The following MAN1A1 variants were observed in gnomAD, a reference collection of about 807,000 sequenced individuals.
MAN1A1 encodes the protein mannosidase alpha class 1A member 1.
A neutral mutation model predicts 70.8 loss-of-function variants in MAN1A1; 29 were observed. The ratio of observed to expected loss-of-function variants is 0.41; its 90% CI spans 0.31 to 0.56. MAN1A1 has a LOEUF of 0.56. MAN1A1 is among the 20% of genes least tolerant of loss of function. MAN1A1 has a pLI of 0.29. For synonymous variants in MAN1A1, 349 were observed against 330.1 expected, an observed-to-expected ratio of 1.06 and a Z score of -0.62; for missense variants, 747 against 841.3, an observed-to-expected ratio of 0.89 and a Z score of 1.39.
At chr6:119,331,458 T>C (rs989577826) in intron 2 of MAN1A1, among the ~76,000 whole-genome samples, 1 of 151,660 alleles carries the variant, frequency 6.6e-6, no homozygotes. Flanking sequence ...CCAGTGACAA[T>C]TGTTTTTCTC....
chr6:119,232,460 A>G (rs1562203121), intron 6 of MAN1A1, among the ~76,000 whole-genome samples: 1 of 151,936 alleles, frequency 6.6e-6, no homozygotes, highest in East Asian at 1.9e-4. Context: ...TACAATGCCA[A>G]TGAGTGATAG....
chr6:119,327,169 T>C (rs1773168278), intron 2 of MAN1A1: 1 of 152,056 alleles, frequency 6.6e-6, no homozygotes, highest in South Asian at 2.1e-4. Flanking sequence ...GGCCCTTAAA[T>C]GCAAAGAACA....
At chr6:119,243,787 A>G (rs974379324) in intron 6 of MAN1A1, among the ~76,000 whole-genome samples, 21 of 152,126 alleles carry the variant, frequency 1.4e-4, no homozygotes, top group African/African-American at 5.1e-4. Context: ...AAGCTTTACA[A>G]AGCAGGAAAT....
intron 6 of MAN1A1, among the ~76,000 whole-genome samples, chr6:119,214,809 T>C (rs1774152506): frequency 6.6e-6 from 1 of 152,186 alleles, no homozygotes; most frequent in Admixed American, 6.5e-5. Flanking sequence ...CTTGGCCCAC[T>C]ACAGTATTTT....
chr6:119,271,664 T>A (rs147341644), intron 5 of MAN1A1, among the ~76,000 whole-genome samples: 6,156 of 151,834 alleles, frequency 0.041, 140 homozygotes, highest in African/African-American at 0.051. Flanking sequence ...TACACCTAGC[T>A]ATTTTTTTTT....
intron 5 of MAN1A1, among the ~76,000 whole-genome samples, chr6:119,276,319 C>T (rs1025562383): frequency 9.2e-5 from 14 of 152,282 alleles, no homozygotes; most frequent in African/African-American, 2.6e-4. Flanking sequence ...ACATTTTACC[C>T]CCTTATCATG....
At chr6:119,329,957 CA>C (rs1773264246) in intron 2 of MAN1A1, among the ~76,000 whole-genome samples, 1 of 152,212 alleles carries the variant, frequency 6.6e-6, no homozygotes, top group South Asian at 2.1e-4. Context: ...TGCTGAGACT[CA>C]CTCCTTCAAA....
intron 2 of MAN1A1, chr6:119,327,378 GTTTTTTTTTTTTGTTT>G (rs1263948333): frequency 8.1e-6 from 1 of 123,554 alleles, no homozygotes; most frequent in Non-Finnish European, 1.7e-5. Flanking sequence ...GAAGCATTCC[GTTTTTTTTTTTTGTTT>G]TTTTTTTTTT....
At chr6:119,314,202 T>A (rs947638991) in intron 2 of MAN1A1, among the ~76,000 whole-genome samples, 1 of 152,250 alleles carries the variant, frequency 6.6e-6, no homozygotes, top group African/African-American at 2.4e-5. Flanking sequence ...TAGCAACATA[T>A]GTGCTATCTC....
intron 6 of MAN1A1, among the ~76,000 whole-genome samples, chr6:119,217,794 A>C (rs1485818949): frequency 6.6e-6 from 1 of 152,194 alleles, no homozygotes; most frequent in Admixed American, 6.5e-5. Context: ...TGCCAATCCT[A>C]GTTCACCAAT....
At chr6:119,269,339 A>T in intron 5 of MAN1A1, 1 of 253,420 alleles carries the variant, frequency 3.9e-6, no homozygotes, top group South Asian at 3.6e-5. Context: ...AAATTTTCTC[A>T]CAGGCTTCAG....
At chr6:119,270,026 C>T (rs534858945) in intron 5 of MAN1A1, among the ~76,000 whole-genome samples, 13 of 152,278 alleles carry the variant, frequency 8.5e-5, no homozygotes, top group African/African-American at 3.1e-4. Flanking sequence ...TTTACTGAAA[C>T]TCAAAATTCT....
chr6:119,327,655 C>T (rs1268219566), intron 2 of MAN1A1, among the ~76,000 whole-genome samples: 1 of 152,038 alleles, frequency 6.6e-6, no homozygotes, highest in Non-Finnish European at 1.5e-5. Context: ...TAGCTAAGAA[C>T]ACTGTACTGT....
At chr6:119,228,215 T>A (rs1774573822) in intron 6 of MAN1A1, among the ~76,000 whole-genome samples, 2 of 152,216 alleles carry the variant, frequency 1.3e-5, no homozygotes, top group Admixed American at 1.3e-4. Context: ...TATTTATTCC[T>A]CAATAACTTA....
At chr6:119,315,058 C>T (rs1772813069) in intron 2 of MAN1A1, among the ~76,000 whole-genome samples, 2 of 152,158 alleles carry the variant, frequency 1.3e-5, no homozygotes, top group Admixed American at 1.3e-4. Flanking sequence ...GCTTCTCTTT[C>T]CTCTTTCTGT....
chr6:119,230,498 C>G (rs957127089), intron 6 of MAN1A1, among the ~76,000 whole-genome samples: 1 of 152,178 alleles, frequency 6.6e-6, no homozygotes, highest in East Asian at 1.9e-4. Context: ...TTTGACACTC[C>G]ACATGCTCTG....
intron 9 of MAN1A1, among the ~76,000 whole-genome samples, chr6:119,191,253 C>T (rs1354096020): frequency 6.6e-6 from 1 of 152,122 alleles, no homozygotes; most frequent in African/African-American, 2.4e-5. Context: ...GCAATAAAGT[C>T]CTTCAAGCAG....
intron 11 of MAN1A1, among the ~76,000 whole-genome samples, chr6:119,180,822 T>G (rs1299425451): frequency 6.6e-6 from 1 of 152,200 alleles, no homozygotes; most frequent in Non-Finnish European, 1.5e-5. Flanking sequence ...TCAAAATTTA[T>G]TTTTTACAAA....
chr6:119,305,181 C>T (rs897376364), intron 3 of MAN1A1, among the ~76,000 whole-genome samples: 24 of 151,968 alleles, frequency 1.6e-4, no homozygotes, highest in African/African-American at 5.6e-4. Context: ...CAATGAAAAC[C>T]AAAAAGCAAA....
Sources: allele counts gnomAD v4.1 joint callset (sites outside exome capture counted in the v4.1 genomes callset), GRCh38; gene constraint gnomAD v4.1.1; transcripts MANE v1.5; gene names NCBI Gene and HGNC (gene_info 2026-07-23, HGNC 2026-07-21).